The following RXFP2 variants were observed in gnomAD, a reference collection of about 807,000 sequenced individuals.
RXFP2 encodes the protein relaxin family peptide receptor 2.
RXFP2 carries 68 observed loss-of-function variants against 88.6 expected under a neutral mutation model. The ratio of observed to expected loss-of-function variants is 0.77; its 90% CI spans 0.63 to 0.94. The LOEUF (loss-of-function observed/expected upper bound fraction) is 0.94, where lower values mean the gene tolerates loss of function less well. Ranked by LOEUF, RXFP2 falls within the 40% of genes least tolerant of loss-of-function variation. RXFP2 has a pLI of 0.00. For missense variants in RXFP2, 791 were observed against 893.9 expected, an observed-to-expected ratio of 0.88 and a Z score of 1.47; for synonymous variants, 329 against 306.8, an observed-to-expected ratio of 1.07 and a Z score of -0.76.
chr13:31,759,262 G>A (rs1872133986), intron 2 of RXFP2, among the ~76,000 whole-genome samples: 1 of 150,694 alleles, frequency 6.6e-6, no homozygotes, highest in Non-Finnish European at 1.5e-5. Context: ...TCAATAATCT[G>A]AGTGATAAAT....
intron 7 of RXFP2, among the ~76,000 whole-genome samples, chr13:31,776,122 C>CT (rs1555284072): frequency 2.1e-5 from 3 of 140,596 alleles, no homozygotes; most frequent in Non-Finnish European, 4.6e-5. Context: ...TTCTTTCTTT[C>CT]TTTCTTTCTT....
chr13:31,742,029 CAG>C (rs1871239897), intron 1 of RXFP2, among the ~76,000 whole-genome samples: 1 of 152,020 alleles, frequency 6.6e-6, no homozygotes, highest in African/African-American at 2.4e-5. Flanking sequence ...GATCTAAAAA[CAG>C]TATCTGTCTC....
intron 1 of RXFP2, among the ~76,000 whole-genome samples, chr13:31,745,939 G>T (rs9532440): frequency 6.6e-6 from 1 of 151,974 alleles, no homozygotes; most frequent in Non-Finnish European, 1.5e-5. Flanking sequence ...ATTAGGAGAC[G>T]GGAGGCAGCA....
chr13:31,743,843 C>T (rs1368145924), intron 1 of RXFP2, among the ~76,000 whole-genome samples: 1 of 152,020 alleles, frequency 6.6e-6, no homozygotes, highest in Non-Finnish European at 1.5e-5. Flanking sequence ...CTCTGAGTTC[C>T]CATATCCTCC....
intron 1 of RXFP2, among the ~76,000 whole-genome samples, chr13:31,743,758 C>G (rs1257004525): frequency 6.6e-6 from 1 of 152,024 alleles, no homozygotes; most frequent in Non-Finnish European, 1.5e-5. Flanking sequence ...CTACCCCCAT[C>G]CCTATCTTCT....
At chr13:31,759,663 T>C (rs1230776642) in intron 2 of RXFP2, among the ~76,000 whole-genome samples, 1 of 152,048 alleles carries the variant, frequency 6.6e-6, no homozygotes, top group Non-Finnish European at 1.5e-5. Flanking sequence ...TAAAAAATAT[T>C]TTTCTCTGGA....
intron 4 of RXFP2, among the ~76,000 whole-genome samples, chr13:31,765,482 T>C (rs1298683142): frequency 6.6e-6 from 1 of 152,174 alleles, no homozygotes. Context: ...CTACGTTTTT[T>C]TTAACGTTGG....
In RXFP2 at chr13:31,777,359, T is replaced by C. The variant is rs1873037480; in HGVS notation, c.642-17T>C. ...ATGTCTCTAATATTGGAAATGTTTC[T>C]TGATACATTTTGTCAGAATTCTAGA... On this transcript the variant is annotated splice_polypyrimidine_tract_variant and intron_variant, in intron 7 of 17. Transcript: ENST00000298386. 1 of 1,577,040 alleles carries C rather than the reference T, an allele frequency of 6.3e-7. No homozygotes were observed. The highest frequency in any genetic ancestry group is 8.7e-7 in the Non-Finnish European group (1 of 1,147,442).
chr13:31,788,370 GC>G (rs1873648580), intron 13 of RXFP2, among the ~76,000 whole-genome samples: 1 of 152,108 alleles, frequency 6.6e-6, no homozygotes, highest in African/African-American at 2.4e-5. Context: ...AACATTAAAA[GC>G]AAAAGGCCTC....
intron 14 of RXFP2, 69 bp from the exon 15 acceptor site, chr13:31,791,737 C>G: frequency 1.9e-6 from 2 of 1,063,368 alleles, no homozygotes; most frequent in East Asian, 4.7e-5. Flanking sequence ...GTTGCAGCCC[C>G]GATAGGACTG....
At chr13:31,773,123 A>G (rs1307352948) in intron 5 of RXFP2, among the ~76,000 whole-genome samples, 2 of 152,198 alleles carry the variant, frequency 1.3e-5, no homozygotes, top group African/African-American at 4.8e-5. Context: ...ACAGATATTG[A>G]TCTGTGTGAG....
At chr13:31,797,075 C>T (rs183062527) in intron 16 of RXFP2, 126 bp from the exon 17 acceptor site, 25 of 739,202 alleles carry the variant, frequency 3.4e-5, no homozygotes, top group South Asian at 2.0e-4. Context: ...GTAAATATTC[C>T]GAAATCCGAA....
At chr13:31,787,368 G>T (rs889763793) in intron 13 of RXFP2, among the ~76,000 whole-genome samples, 2 of 152,170 alleles carry the variant, frequency 1.3e-5, no homozygotes, top group Non-Finnish European at 2.9e-5. Context: ...TCTCTTACCA[G>T]ATATTAGTGA....
At chr13:31,743,474 A>T (rs377112262) in intron 1 of RXFP2, among the ~76,000 whole-genome samples, 2 of 32,962 alleles carry the variant, frequency 6.1e-5, no homozygotes, top group East Asian at 7.8e-4. Context: ...TCTCAAAATT[A>T]AAAAAAAAAA....
At position 31,791,890 on chromosome 13, in the gene RXFP2, G is replaced by A; in HGVS notation, c.1230G>A (p.Glu410=). 1 of 1,614,032 alleles carries A rather than the reference G, an allele frequency of 6.2e-7. No homozygotes were observed. Among genetic ancestry groups the A allele is most frequent in the Non-Finnish European group, 8.5e-7 (1 of 1,179,984 alleles). ...MPLTDGISSF[E]DLLANNILRI... Reference sequence around the variant, plus strand: ...TGACGGACGGCATTTCTTCATTTGAGGACCTCTTGGCTAACAATATCCTCA... The same window carrying A: ...TGACGGACGGCATTTCTTCATTTGAAGACCTCTTGGCTAACAATATCCTCA... The change falls in exon 15 of 18, where the codon GAG becomes GAA. Residue 410 remains glutamate (E), a synonymous_variant. Coordinates refer to ENST00000298386, the MANE Select transcript of RXFP2 (RefSeq NM_130806.5).
Position 31,797,284 on chromosome 13 carries a change from A to G in RXFP2, c.1870A>G (p.Thr624Ala), listed in dbSNP as rs760788605. The G allele has an allele frequency of 1.2e-6, 2 of 1,613,990 alleles. No individual in the cohort carries two copies. Among genetic ancestry groups the G allele is most frequent in the Non-Finnish European group, 1.7e-6 (2 of 1,179,894 alleles). Residue 624 changes from threonine to alanine, a missense_variant, in exon 17 of 18, where the codon ACA (threonine) becomes GCA (alanine). Coordinates refer to ENST00000298386, the MANE Select transcript of RXFP2 (RefSeq NM_130806.5). ...CSIQKTALQTTEVRNCFGREV... is the reference protein window; with the variant it reads ...CSIQKTALQTAEVRNCFGREV... ...CATTCAAAAAACCGCCTTGCAGACCACAGAAGTAAGGAATTGTTTTGGAAG... is the reference window on the plus strand; with the variant it reads ...CATTCAAAAAACCGCCTTGCAGACCGCAGAAGTAAGGAATTGTTTTGGAAG...
chr13:31,739,821 T>A, intron 1 of RXFP2, 115 bp downstream of exon 1: 1 of 739,518 alleles, frequency 1.4e-6, no homozygotes, highest in Non-Finnish European at 2.4e-6. Context: ...AAAACAGACA[T>A]CAAATTTGCC....
At chr13:31,787,885 C>T (rs1056125931) in intron 13 of RXFP2, among the ~76,000 whole-genome samples, 1 of 152,228 alleles carries the variant, frequency 6.6e-6, no homozygotes, top group South Asian at 2.1e-4. Context: ...AGGCAATTCA[C>T]CTGCCTTGGC....
intron 17 of RXFP2, among the ~76,000 whole-genome samples, chr13:31,798,058 T>G (rs1315515186): frequency 6.6e-6 from 1 of 152,156 alleles, no homozygotes; most frequent in Non-Finnish European, 1.5e-5. Context: ...AGTAAAATAG[T>G]TTGGAATCAT....
Sources: gnomAD v4.1 joint callset for allele counts (sites outside exome capture counted in the v4.1 genomes callset) on GRCh38, gnomAD v4.1.1 for gene constraint, MANE v1.5 for transcripts, NCBI Gene and HGNC (gene_info 2026-07-23, HGNC 2026-07-21) for gene names.